The following NOSTRIN variants were observed in gnomAD, a reference collection of about 807,000 sequenced individuals.
NOSTRIN encodes BM247 homolog.
A neutral mutation model predicts 59.0 loss-of-function variants in NOSTRIN; 63 were observed. The ratio of observed to expected loss-of-function variants is 1.07; its 90% CI spans 0.87 to 1.32. The LOEUF is 1.32. Ranked by LOEUF, NOSTRIN falls within the 40% of genes most tolerant of loss-of-function variation. The probability of loss-of-function intolerance (pLI) is 0.00; values close to 1 mark genes in which losing one functional copy is unlikely to be tolerated. For synonymous variants in NOSTRIN, 200 were observed against 165.4 expected (o/e 1.21, Z -1.61); for missense variants, 512 against 473.1 (o/e 1.08, Z -0.76).
intron 5 of NOSTRIN, among the ~76,000 whole-genome samples, chr2:168,829,844 A>C (rs1405565897): frequency 6.6e-6 from 1 of 152,104 alleles, no homozygotes; most frequent in Non-Finnish European, 1.5e-5. Flanking sequence ...GCAGTGGTTA[A>C]GGGGGAGTTT....
chr2:168,797,309 C>T (rs986740455), upstream of NOSTRIN, among the ~76,000 whole-genome samples: 20 of 151,968 alleles, frequency 1.3e-4, no homozygotes, highest in African/African-American at 4.6e-4. Context: ...GTTGCCCAGG[C>T]TGGTCTTGAA....
At position 168,851,503 on chromosome 2, in the gene NOSTRIN, A is replaced by C. The variant is rs16856030; in HGVS notation, c.855+99A>C. On this transcript the variant is annotated intron_variant, in intron 10 of 15. Transcript: ENST00000317647. ...TTGAAAGCAAATATCATGTTTTATC[A>C]ATGAAAATGATTTCTCATACCCCAT... The C allele has an allele frequency of 3.7e-3, 5,417 of 1,483,060 alleles. 89 individuals are homozygous for C. In the East Asian group the frequency reaches 0.043, roughly 12 times the overall value. 91.9% of individuals were successfully genotyped at this position (1,483,060 alleles called of 1,614,324 possible).
At chr2:168,855,819 T>G (rs1167434466) in intron 11 of NOSTRIN, 7 of 445,790 alleles carry the variant, frequency 1.6e-5, no homozygotes, top group Admixed American at 1.1e-4. Flanking sequence ...TTGGATGAGT[T>G]TTTTGGTTTG....
At chr2:168,793,879 A>G (rs917440654), upstream of NOSTRIN, among the ~76,000 whole-genome samples, 1 of 152,182 alleles carries the variant, frequency 6.6e-6, no homozygotes, top group African/African-American at 2.4e-5. Flanking sequence ...CAGCTGATAC[A>G]TGCATATCAA....
chr2:168,859,380 C>T (rs1480942243), intron 12 of NOSTRIN, 132 bp from the exon 13 acceptor site: 2 of 1,350,286 alleles, frequency 1.5e-6, no homozygotes, highest in Non-Finnish European at 2.0e-6. Context: ...TCGGCATTTT[C>T]TGTGAATATC....
intron 7 of NOSTRIN, among the ~76,000 whole-genome samples, chr2:168,841,111 C>T (rs1391210617): frequency 6.6e-6 from 1 of 151,338 alleles, no homozygotes; most frequent in Non-Finnish European, 1.5e-5. Context: ...AAACTAGTCC[C>T]AGCTACTTGG....
chr2:168,800,762 C>T (rs1685589065), upstream of NOSTRIN, among the ~76,000 whole-genome samples: 1 of 152,086 alleles, frequency 6.6e-6, no homozygotes, highest in Admixed American at 6.6e-5. Flanking sequence ...GCAGGAATCA[C>T]AGAGAAAACA....
At chr2:168,807,064 T>G (rs1368947481) in intron 1 of NOSTRIN, among the ~76,000 whole-genome samples, 1 of 152,230 alleles carries the variant, frequency 6.6e-6, no homozygotes, top group Non-Finnish European at 1.5e-5. Context: ...TAGGTTATCC[T>G]TATCTCTTTG....
In NOSTRIN at chr2:168,829,020, A is replaced by G. The variant is rs574688903; in HGVS notation, c.342+519A>G. ...TTATTTCATTTTTATACTTTTTTGC[A>G]TTTTTAAAATAATTTTATTCTATTT... On this transcript the variant is annotated intron_variant, in intron 5 of 15. Coordinates refer to ENST00000317647, the MANE Select transcript of NOSTRIN (RefSeq NM_001039724.4). Among the ~76,000 whole-genome samples, 190 of 152,216 alleles carry G rather than the reference A, an allele frequency of 1.2e-3. 1 individual carries two copies. The highest frequency in any genetic ancestry group is 4.3e-3 in the African/African-American group (177 of 41,558).
At chr2:168,858,390 C>T (rs1245903202) in intron 12 of NOSTRIN, among the ~76,000 whole-genome samples, 2 of 152,192 alleles carry the variant, frequency 1.3e-5, no homozygotes, top group African/African-American at 4.8e-5. Context: ...GTGTCACCCA[C>T]GGAAGGTTTC....
chr2:168,790,363 A>G (rs1685317160), intron 2 of NOSTRIN, among the ~76,000 whole-genome samples: 1 of 152,200 alleles, frequency 6.6e-6, no homozygotes, highest in Admixed American at 6.5e-5. Context: ...ACCACAAAAT[A>G]TTTACTAACT....
At chr2:168,834,501 G>GCACACACACACA (rs1425272036) in intron 7 of NOSTRIN, among the ~76,000 whole-genome samples, 176 bp downstream of exon 7, 4,209 of 110,642 alleles carry the variant, frequency 0.038, 202 homozygotes, top group African/African-American at 0.11. Context: ...GCGCGCGCGC[G>GCACACACACACA]CGCGCGCACA....
rs765291833 is a variant in NOSTRIN, at chr2:168,863,996, C to T, written c.1385-838C>T. On this transcript the variant is annotated intron_variant, in intron 15 of 15. Coordinates refer to ENST00000317647, the MANE Select transcript of NOSTRIN (RefSeq NM_001039724.4). ...TGTGATCTTAGCTCACTGCAACCTCCGTCTCCTGGATTCAAGTGATTCTCC... is the reference window on the plus strand; with the variant it reads ...TGTGATCTTAGCTCACTGCAACCTCTGTCTCCTGGATTCAAGTGATTCTCC... Among the ~76,000 whole-genome samples the T allele has an allele frequency of 8.6e-5, 13 of 151,730 alleles. No individual in the cohort carries two copies. The South Asian group carries it at 1.5e-3, about 17-fold the overall frequency.
chr2:168,864,882 G>A lies in NOSTRIN; in HGVS notation c.1433G>A (p.Gly478Glu). 6.2e-7 allele frequency: 1 copy of A among 1,614,018 alleles called. No homozygotes were observed. Among genetic ancestry groups the A allele is most frequent in the Non-Finnish European group, 8.5e-7 (1 of 1,179,972 alleles). Reference protein sequence around the residue: ...HEKKEGGWWFGSLNGKKGHFP... With the variant: ...HEKKEGGWWFESLNGKKGHFP... ...AAAAAAGAAGGAGGATGGTGGTTTG[G>A]ATCTTTGAATGGGAAAAAAGGCCAT... The change falls in exon 16 of 16, where the codon GGA becomes GAA. Residue 478 changes from glycine to glutamate, a missense_variant. Coordinates refer to ENST00000317647, the MANE Select transcript of NOSTRIN (RefSeq NM_001039724.4).
intron 8 of NOSTRIN, among the ~76,000 whole-genome samples, chr2:168,844,847 G>A (rs916411389): frequency 3.3e-5 from 5 of 150,492 alleles, no homozygotes; most frequent in South Asian, 4.3e-4. Flanking sequence ...ACTAGCCTAG[G>A]CGACAGAGCA....
intron 15 of NOSTRIN, among the ~76,000 whole-genome samples, chr2:168,864,156 C>CG (rs1689691261): frequency 6.6e-6 from 1 of 151,440 alleles, no homozygotes; most frequent in African/African-American, 2.4e-5. Context: ...TTAGTAGAGA[C>CG]GGGGTTTCAC....
At chr2:168,806,194 A>G (rs2105527856) in intron 1 of NOSTRIN, among the ~76,000 whole-genome samples, 1 of 152,302 alleles carries the variant, frequency 6.6e-6, no homozygotes, top group South Asian at 2.1e-4. Flanking sequence ...TAGTAAAGGC[A>G]GTCAGCAAAG....
chr2:168,864,983 A>C lies in NOSTRIN; in HGVS notation c.*13A>C. The C allele has an allele frequency of 6.2e-7, 1 of 1,613,644 alleles. No homozygotes were observed. Among genetic ancestry groups the C allele is most frequent in the Non-Finnish European group, 8.5e-7 (1 of 1,179,844 alleles). On this transcript the variant is annotated 3_prime_UTR_variant, in exon 16 of 16. Transcript: ENST00000317647. ...TACAAAGGCATAAAACAAGACTCTG[A>C]ACATACTACCTTCACACTCGGTAAT... is the stretch of plus-strand genomic sequence containing the variant.
At chr2:168,810,047 C>T (rs1350595993) in intron 1 of NOSTRIN, among the ~76,000 whole-genome samples, 2 of 152,118 alleles carry the variant, frequency 1.3e-5, no homozygotes, top group Non-Finnish European at 2.9e-5. Flanking sequence ...CTTTCCTGGG[C>T]CACATTCCAG....
Sources: allele counts gnomAD v4.1 joint callset (sites outside exome capture counted in the v4.1 genomes callset), GRCh38; gene constraint gnomAD v4.1.1; transcripts MANE v1.5; gene names NCBI Gene and HGNC (gene_info 2026-07-23, HGNC 2026-07-21).